The following CSMD1 variants were observed in gnomAD, a reference collection of about 807,000 sequenced individuals.
CSMD1 encodes CUB and sushi domain-containing protein 1.
Under a neutral mutation model 417.5 loss-of-function variants are expected in CSMD1, and 213 were observed. The ratio of observed to expected loss-of-function variants is 0.51; its 90% CI spans 0.46 to 0.57. The LOEUF is 0.57. Ranked by LOEUF, CSMD1 falls within the 20% of genes least tolerant of loss-of-function variation. The pLI is 0.00. For synonymous variants in CSMD1, 2,862 were observed against 1,736.8 expected (o/e 1.65, Z -16.11); for missense variants, 6,923 against 4,529.7 (o/e 1.53, Z -15.17).
intron 7 of CSMD1, among the ~76,000 whole-genome samples, chr8:3,620,994 A>T (rs3110303): frequency 0.67 from 101,459 of 151,900 alleles, 34,327 homozygotes; most frequent in African/African-American, 0.74. Context: ...CCTTAAGGTG[A>T]GCCCTAATCC....
At chr8:4,713,374 T>TTTTTGTTTTGTTTTGTTTTGTTTG (rs1808433432) in intron 1 of CSMD1, among the ~76,000 whole-genome samples, 1 of 148,014 alleles carries the variant, frequency 6.8e-6, no homozygotes, top group Non-Finnish European at 1.5e-5. Flanking sequence ...CAGCTTTGTG[T>TTTTTGTTTTGTTTTGTTTTGTTTG]TTTTGTTTTG....
chr8:3,281,059 C>T (rs1236665198), intron 26 of CSMD1, among the ~76,000 whole-genome samples: 3 of 152,160 alleles, frequency 2.0e-5, no homozygotes, highest in Non-Finnish European at 4.4e-5. Context: ...AAACTTACGT[C>T]CACACAAAAA....
intron 10 of CSMD1, among the ~76,000 whole-genome samples, chr8:3,527,429 G>C (rs1017263249): frequency 5.3e-5 from 8 of 152,172 alleles, no homozygotes; most frequent in African/African-American, 1.7e-4. Context: ...AACTAGATTA[G>C]AGGTTGCTAA....
chr8:4,973,853 A>C (rs985346789), intron 1 of CSMD1, among the ~76,000 whole-genome samples: 1 of 152,180 alleles, frequency 6.6e-6, no homozygotes, highest in South Asian at 2.1e-4. Flanking sequence ...ATTCCTTTCA[A>C]ATCAACGTGA....
intron 11 of CSMD1, among the ~76,000 whole-genome samples, chr8:3,488,589 T>A (rs551881658): frequency 6.6e-6 from 1 of 152,204 alleles, no homozygotes; most frequent in Non-Finnish European, 1.5e-5. Flanking sequence ...AGTAGGCTAA[T>A]TCCTCCTCAA....
chr8:4,448,351 A>T (rs900375959), intron 2 of CSMD1, among the ~76,000 whole-genome samples: 1 of 152,282 alleles, frequency 6.6e-6, no homozygotes, highest in South Asian at 2.1e-4. Context: ...TTCTGCACTA[A>T]CTCAATTAAC....
intron 3 of CSMD1, among the ~76,000 whole-genome samples, chr8:4,204,277 C>T (rs1559566): frequency 6.6e-6 from 1 of 151,050 alleles, no homozygotes; most frequent in Admixed American, 6.6e-5. Flanking sequence ...AAAAAAAAAA[C>T]CTCAATTTGG....
At chr8:3,179,936 G>A (rs1368677331) in intron 37 of CSMD1, among the ~76,000 whole-genome samples, 1 of 152,124 alleles carries the variant, frequency 6.6e-6, no homozygotes, top group Non-Finnish European at 1.5e-5. Flanking sequence ...ACAGCCCTGT[G>A]GTTTGTGCCT....
intron 8 of CSMD1, among the ~76,000 whole-genome samples, chr8:3,606,725 T>C (rs1218849611): frequency 6.6e-6 from 1 of 152,024 alleles, no homozygotes; most frequent in African/African-American, 2.4e-5. Context: ...TTTTTTTTTT[T>C]TTTTGAGACA....
intron 4 of CSMD1, among the ~76,000 whole-genome samples, chr8:4,019,794 C>G (rs1329452528): frequency 1.3e-5 from 2 of 151,962 alleles, no homozygotes; most frequent in Admixed American, 6.6e-5. Flanking sequence ...ATAAAGTGAC[C>G]CACTGCCACA....
At chr8:4,191,214 G>C (rs1046978586) in intron 3 of CSMD1, among the ~76,000 whole-genome samples, 1 of 152,146 alleles carries the variant, frequency 6.6e-6, no homozygotes, top group Non-Finnish European at 1.5e-5. Flanking sequence ...GGCTAACATG[G>C]TGAAACCCCA....
Position 4,410,440 on chromosome 8 carries a change from C to T in CSMD1, c.415+9513G>A, listed in dbSNP as rs1796587419. Among the ~76,000 whole-genome samples the T allele has an allele frequency of 2.0e-5, 3 of 152,218 alleles. No individual in the cohort carries two copies. The South Asian group carries it at 6.2e-4, about 32-fold the overall frequency. ...CCCTAACACTTTGCATTTCTAGCGT[C>T]CAGATAGTATATAGCCAATATTTGA... On this transcript the variant is annotated intron_variant, in intron 3 of 69. Coordinates refer to ENST00000635120, the MANE Select transcript of CSMD1 (RefSeq NM_033225.6).
chr8:4,723,040 C>T (rs546596955), intron 1 of CSMD1, among the ~76,000 whole-genome samples: 124 of 152,098 alleles, frequency 8.2e-4, no homozygotes, highest in Middle Eastern at 6.8e-3. Context: ...AATATCTTGG[C>T]AAAACAGTAT....
At chr8:3,918,876 G>T (rs1051871353) in intron 5 of CSMD1, among the ~76,000 whole-genome samples, 1 of 151,958 alleles carries the variant, frequency 6.6e-6, no homozygotes, top group African/African-American at 2.4e-5. Flanking sequence ...GGGACTTGTG[G>T]GGAAAGAATA....
At chr8:3,504,642 A>C (rs1318293864) in intron 10 of CSMD1, among the ~76,000 whole-genome samples, 1 of 152,142 alleles carries the variant, frequency 6.6e-6, no homozygotes, top group African/African-American at 2.4e-5. Flanking sequence ...TGACTCTGCA[A>C]TTTCTAACTC....
intron 12 of CSMD1, among the ~76,000 whole-genome samples, chr8:3,467,246 C>G (rs1816837688): frequency 6.6e-6 from 1 of 152,214 alleles, no homozygotes; most frequent in South Asian, 2.1e-4. Flanking sequence ...CTCTCCTATT[C>G]CTGGTACCAT....
intron 11 of CSMD1, among the ~76,000 whole-genome samples, chr8:3,485,827 TAAAATAAAAC>T (rs1483347387): frequency 9.2e-6 from 1 of 109,040 alleles, no homozygotes; most frequent in East Asian, 2.9e-4. Flanking sequence ...TAAAATAAAA[TAAAATAAAAC>T]AGGAAATCTG....
intron 5 of CSMD1, among the ~76,000 whole-genome samples, chr8:3,884,116 A>G (rs549340279): frequency 6.6e-6 from 1 of 152,320 alleles, no homozygotes; most frequent in Admixed American, 6.5e-5. Flanking sequence ...AGTAATTAAC[A>G]ATGTCAGTTT....
intron 4 of CSMD1, among the ~76,000 whole-genome samples, chr8:4,030,434 G>C (rs868382143): frequency 2.0e-5 from 3 of 152,212 alleles, no homozygotes; most frequent in Admixed American, 6.5e-5. Context: ...AAGGCTTGAG[G>C]CTTACATCCT....
Sources: allele counts gnomAD v4.1 joint callset (sites outside exome capture counted in the v4.1 genomes callset), GRCh38; gene constraint gnomAD v4.1.1; transcripts MANE v1.5; gene names NCBI Gene and HGNC (gene_info 2026-07-23, HGNC 2026-07-21).